CNTN5: variants seen among roughly 807,000 people sequenced by gnomAD.
CNTN5 encodes contactin 5.
CNTN5 carries 77 observed loss-of-function variants against 129.1 expected under a neutral mutation model. The ratio of observed to expected loss-of-function variants is 0.60; its 90% CI spans 0.50 to 0.72. The LOEUF (loss-of-function observed/expected upper bound fraction) is 0.72. Among genes scored for constraint, CNTN5 ranks in the 30% least tolerant of loss-of-function variants. The pLI is 0.00. For synonymous variants in CNTN5, 509 were observed against 465.6 expected, an observed-to-expected ratio of 1.09 and a Z score of -1.20; for missense variants, 1,478 against 1,328.8, an observed-to-expected ratio of 1.11 and a Z score of -1.75.
intron 2 of CNTN5, among the ~76,000 whole-genome samples, chr11:99,543,357 C>G (rs1948176210): frequency 6.6e-6 from 1 of 152,138 alleles, no homozygotes; most frequent in Non-Finnish European, 1.5e-5. Context: ...CTTGTACTTT[C>G]TGCTTTTATT....
chr11:99,770,807 C>G (rs1944919294), intron 3 of CNTN5, among the ~76,000 whole-genome samples: 1 of 151,858 alleles, frequency 6.6e-6, no homozygotes, highest in African/African-American at 2.4e-5. Flanking sequence ...TAGAAAAAAT[C>G]ATAAAATTTG....
chr11:99,949,736 G>T (rs1386583072), intron 7 of CNTN5, among the ~76,000 whole-genome samples: 1 of 152,138 alleles, frequency 6.6e-6, no homozygotes, highest in East Asian at 1.9e-4. Context: ...CCTCCACACT[G>T]TGAAGTATTC....
chr11:99,078,012 G>T (rs1466898628), intron 1 of CNTN5, among the ~76,000 whole-genome samples: 1 of 152,066 alleles, frequency 6.6e-6, no homozygotes, highest in Non-Finnish European at 1.5e-5. Flanking sequence ...AGCCTTAAAT[G>T]TTAAGTGTAT....
chr11:99,412,224 A>G (rs1190101459), intron 2 of CNTN5, among the ~76,000 whole-genome samples: 2 of 152,196 alleles, frequency 1.3e-5, no homozygotes, highest in African/African-American at 2.4e-5. Context: ...GTATAATTCT[A>G]AGTAAGATAC....
At chr11:99,215,895 CGTCAGTGCATAATG>C (rs1333150372) in intron 1 of CNTN5, among the ~76,000 whole-genome samples, 2 of 151,992 alleles carry the variant, frequency 1.3e-5, no homozygotes, top group Non-Finnish European at 2.9e-5. Flanking sequence ...TATTATTAAT[CGTCAGTGCATAATG>C]GTTGTATATA....
intron 6 of CNTN5, among the ~76,000 whole-genome samples, chr11:99,876,803 C>G (rs1437877437): frequency 6.6e-6 from 1 of 152,150 alleles, no homozygotes; most frequent in East Asian, 1.9e-4. Flanking sequence ...AAGTGATTTT[C>G]TAAGTTCACA....
At chr11:99,963,948 G>T (rs986371720) in intron 8 of CNTN5, among the ~76,000 whole-genome samples, 2 of 152,080 alleles carry the variant, frequency 1.3e-5, no homozygotes, top group African/African-American at 4.8e-5. Flanking sequence ...CTCATGATTT[G>T]GCTCTCTGTT....
At chr11:99,975,780 G>C (rs1205314636) in intron 8 of CNTN5, among the ~76,000 whole-genome samples, 1 of 152,052 alleles carries the variant, frequency 6.6e-6, no homozygotes, top group Non-Finnish European at 1.5e-5. Context: ...AGATTTGGAT[G>C]GGGACACAGA....
intron 7 of CNTN5, among the ~76,000 whole-genome samples, chr11:99,928,886 A>G (rs1591436353): frequency 6.6e-6 from 1 of 152,116 alleles, no homozygotes; most frequent in Non-Finnish European, 1.5e-5. Context: ...CTGAACTTCT[A>G]TGCTCTGTTT....
chr11:99,077,266 G>A (rs1259837948), intron 1 of CNTN5, among the ~76,000 whole-genome samples: 1 of 145,260 alleles, frequency 6.9e-6, no homozygotes, highest in Admixed American at 6.9e-5. Context: ...TATTGTTCCA[G>A]GAGCAACAAC....
At chr11:99,586,055 T>A (rs1335274203) in intron 3 of CNTN5, among the ~76,000 whole-genome samples, 1 of 152,162 alleles carries the variant, frequency 6.6e-6, no homozygotes, top group South Asian at 2.1e-4. Flanking sequence ...TTGATATATA[T>A]CTCATATCAT....
intron 2 of CNTN5, among the ~76,000 whole-genome samples, chr11:99,483,047 G>A (rs930280177): frequency 2.0e-5 from 3 of 151,744 alleles, no homozygotes; most frequent in East Asian, 3.9e-4. Flanking sequence ...GGGGTGGCCC[G>A]TGCCAGTAGT....
intron 9 of CNTN5, among the ~76,000 whole-genome samples, chr11:100,046,234 T>C (rs1942668150): frequency 6.6e-6 from 1 of 152,142 alleles, no homozygotes. Flanking sequence ...CTATACTGTT[T>C]TGATGTAATA....
chr11:100,270,628 C>G (rs1950391426), intron 17 of CNTN5, among the ~76,000 whole-genome samples: 1 of 152,196 alleles, frequency 6.6e-6, no homozygotes, highest in African/African-American at 2.4e-5. Context: ...TGTTTCTACT[C>G]AGATATCACA....
intron 13 of CNTN5, among the ~76,000 whole-genome samples, chr11:100,166,607 G>A (rs1402867589): frequency 6.9e-6 from 1 of 144,366 alleles, no homozygotes; most frequent in Non-Finnish European, 1.5e-5. Context: ...GTTCATTTAA[G>A]AAGAAATGTT....
chr11:99,625,940 A>G (rs1951116321), intron 3 of CNTN5, among the ~76,000 whole-genome samples: 1 of 151,578 alleles, frequency 6.6e-6, no homozygotes, highest in Non-Finnish European at 1.5e-5. Context: ...ACACACACAC[A>G]CACATAAATC....
intron 13 of CNTN5, among the ~76,000 whole-genome samples, chr11:100,151,279 A>AAAT (rs989087772): frequency 7.6e-4 from 116 of 152,258 alleles, no homozygotes; most frequent in African/African-American, 2.7e-3. Flanking sequence ...ATATGGTATA[A>AAAT]AATATACCAT....
At chr11:99,754,761 C>G (rs1203836752) in intron 3 of CNTN5, among the ~76,000 whole-genome samples, 1 of 152,162 alleles carries the variant, frequency 6.6e-6, no homozygotes, top group East Asian at 1.9e-4. Context: ...ACATTTGACA[C>G]ATACTTATTA....
intron 13 of CNTN5, among the ~76,000 whole-genome samples, chr11:100,075,288 T>G (rs1425985063): frequency 4.6e-5 from 7 of 152,158 alleles, no homozygotes; most frequent in Non-Finnish European, 5.9e-5. Context: ...AATTACTGGC[T>G]TCAGCTTAGA....
Sources: gnomAD v4.1 joint callset for allele counts (sites outside exome capture counted in the v4.1 genomes callset) on GRCh38, gnomAD v4.1.1 for gene constraint, MANE v1.5 for transcripts, NCBI Gene and HGNC (gene_info 2026-07-23, HGNC 2026-07-21) for gene names.